The following GRIN2A variants were observed in gnomAD, a reference collection of about 807,000 sequenced individuals.
The protein encoded by GRIN2A is glutamate ionotropic receptor NMDA type subunit 2A.
Under a neutral mutation model 113.4 loss-of-function variants are expected in GRIN2A, and 22 were observed. The ratio of observed to expected loss-of-function variants is 0.19; its 90% CI spans 0.14 to 0.28. The LOEUF is 0.28. GRIN2A is among the 10% of genes least tolerant of loss of function. GRIN2A has a pLI of 1.00. For synonymous variants in GRIN2A, 827 were observed against 738.4 expected, an observed-to-expected ratio of 1.12 and a Z score of -1.94; for missense variants, 1,502 against 1,887.0, an observed-to-expected ratio of 0.80 and a Z score of 3.78.
intron 2 of GRIN2A, among the ~76,000 whole-genome samples, chr16:10,125,631 GAAAA>G (rs79695852): frequency 4.5e-5 from 6 of 132,042 alleles, no homozygotes; most frequent in Admixed American, 7.6e-5. Flanking sequence ...ATGGTGGGAG[GAAAA>G]AAAAAAAAAA....
At chr16:9,946,820 C>G (rs750916967) in intron 2 of GRIN2A, among the ~76,000 whole-genome samples, 1 of 152,176 alleles carries the variant, frequency 6.6e-6, no homozygotes, top group African/African-American at 2.4e-5. Flanking sequence ...ATATACCATC[C>G]TAAGAAGAAA....
At chr16:9,866,000 T>A (rs944190474) in intron 4 of GRIN2A, among the ~76,000 whole-genome samples, 1 of 152,218 alleles carries the variant, frequency 6.6e-6, no homozygotes, top group East Asian at 1.9e-4. Flanking sequence ...AATGCAGAGT[T>A]GAGTGCTTGC....
At chr16:9,939,828 T>G (rs980076164) in intron 2 of GRIN2A, among the ~76,000 whole-genome samples, 2 of 152,130 alleles carry the variant, frequency 1.3e-5, no homozygotes, top group Non-Finnish European at 2.9e-5. Context: ...AAATGCCAAC[T>G]AAACAGAAGG....
intron 5 of GRIN2A, among the ~76,000 whole-genome samples, chr16:9,842,792 C>T (rs954082022): frequency 6.6e-6 from 1 of 152,018 alleles, no homozygotes; most frequent in Admixed American, 6.6e-5. Context: ...CAAAAATGAG[C>T]TGGGCATGGT....
chr16:10,043,745 CCTT>C (rs780139900), intron 2 of GRIN2A, among the ~76,000 whole-genome samples: 1 of 151,950 alleles, frequency 6.6e-6, no homozygotes, highest in East Asian at 1.9e-4. Context: ...CAAGCTACCT[CCTT>C]CTTAAGGTCA....
At chr16:9,851,860 A>G (rs760019090) in intron 4 of GRIN2A, among the ~76,000 whole-genome samples, 3 of 152,226 alleles carry the variant, frequency 2.0e-5, no homozygotes, top group Non-Finnish European at 4.4e-5. Context: ...TACCAAAAAT[A>G]TAGAGCACAA....
intron 4 of GRIN2A, among the ~76,000 whole-genome samples, chr16:9,862,158 A>G (rs2043080200): frequency 6.6e-6 from 1 of 152,232 alleles, no homozygotes. Context: ...AATAAAGCAT[A>G]AGAACAAGAT....
intron 10 of GRIN2A, among the ~76,000 whole-genome samples, chr16:9,810,872 G>A (rs2042073402): frequency 6.6e-6 from 1 of 152,172 alleles, no homozygotes; most frequent in African/African-American, 2.4e-5. Context: ...TTTCTCTATG[G>A]GAGGAAGGAG....
At chr16:10,117,980 C>T (rs1363832236) in intron 2 of GRIN2A, among the ~76,000 whole-genome samples, 1 of 152,118 alleles carries the variant, frequency 6.6e-6, no homozygotes, top group Non-Finnish European at 1.5e-5. Flanking sequence ...GAGGGAGACC[C>T]TGGTGATGGG....
At chr16:10,056,633 A>G (rs557405563) in intron 2 of GRIN2A, among the ~76,000 whole-genome samples, 5 of 152,284 alleles carry the variant, frequency 3.3e-5, no homozygotes, top group African/African-American at 1.2e-4. Flanking sequence ...CCCCAGTCCA[A>G]TGACTGGTGT....
chr16:9,929,074 T>TTC (rs1221167238), intron 3 of GRIN2A, among the ~76,000 whole-genome samples: 6 of 152,358 alleles, frequency 3.9e-5, no homozygotes, highest in African/African-American at 1.2e-4. Flanking sequence ...CTCTCCAACA[T>TTC]TCTCCTTTCC....
intron 4 of GRIN2A, among the ~76,000 whole-genome samples, chr16:9,880,543 G>C (rs912076668): frequency 7.9e-5 from 12 of 152,110 alleles, no homozygotes; most frequent in Admixed American, 2.6e-4. Context: ...TCTGCCATGT[G>C]GCCTAATAAA....
intron 4 of GRIN2A, among the ~76,000 whole-genome samples, chr16:9,859,926 T>C (rs561204070): frequency 6.6e-6 from 1 of 152,020 alleles, no homozygotes; most frequent in Non-Finnish European, 1.5e-5. Context: ...CCTTCAGTGC[T>C]TTCCACTGTG....
At chr16:10,144,644 C>A (rs1390602887) in intron 2 of GRIN2A, among the ~76,000 whole-genome samples, 2 of 152,142 alleles carry the variant, frequency 1.3e-5, no homozygotes, top group African/African-American at 4.8e-5. Context: ...GTTTCCTTTG[C>A]TTCGCAGAAG....
chr16:9,833,260 A>C (rs1050747865), intron 8 of GRIN2A, among the ~76,000 whole-genome samples: 5 of 152,216 alleles, frequency 3.3e-5, no homozygotes, highest in Non-Finnish European at 7.3e-5. Flanking sequence ...TTTATCAACT[A>C]CAATGCACTA....
At chr16:10,178,404 C>T (rs1040990796) in intron 2 of GRIN2A, among the ~76,000 whole-genome samples, 26 of 152,216 alleles carry the variant, frequency 1.7e-4, no homozygotes, top group African/African-American at 6.3e-4. Context: ...GCTACATCAG[C>T]CACTATGTGG....
chr16:10,162,391 C>T (rs1475671209), intron 2 of GRIN2A, among the ~76,000 whole-genome samples: 1 of 152,148 alleles, frequency 6.6e-6, no homozygotes, highest in East Asian at 1.9e-4. Flanking sequence ...ATTCATTTTC[C>T]CAGGCTGCTG....
At chr16:9,953,430 T>G (rs540516160) in intron 2 of GRIN2A, among the ~76,000 whole-genome samples, 2 of 151,974 alleles carry the variant, frequency 1.3e-5, no homozygotes, top group Non-Finnish European at 2.9e-5. Flanking sequence ...GAAGTGAGTA[T>G]AGGTAGGGGG....
intron 11 of GRIN2A, among the ~76,000 whole-genome samples, chr16:9,772,922 C>CA (rs71400490): frequency 0.39 from 41,167 of 104,748 alleles, 8,248 homozygotes; most frequent in East Asian, 0.57. Context: ...ACTTCAATTT[C>CA]AAAAAAAAAA....
Sources: gnomAD v4.1 joint callset for allele counts (sites outside exome capture counted in the v4.1 genomes callset) on GRCh38, gnomAD v4.1.1 for gene constraint, MANE v1.5 for transcripts, NCBI Gene and HGNC (gene_info 2026-07-23, HGNC 2026-07-21) for gene names.